IGSF6: variants seen among roughly 807,000 people sequenced by gnomAD.
IGSF6 encodes immunoglobulin superfamily member 6, also known as down-regulated by activation (immunoglobulin superfamily).
Under a neutral mutation model 24.7 loss-of-function variants are expected in IGSF6, and 23 were observed. The observed-to-expected ratio is 0.93, with a 90% CI of 0.67 to 1.32. The LOEUF (loss-of-function observed/expected upper bound fraction) is 1.32. IGSF6 is among the 40% of genes most tolerant of loss of function. The pLI, the probability that IGSF6 is intolerant of heterozygous loss-of-function variation, is 0.00. For synonymous variants in IGSF6, 110 were observed against 113.7 expected, an observed-to-expected ratio of 0.97 and a Z score of 0.21; for missense variants, 295 against 293.6, an observed-to-expected ratio of 1.00 and a Z score of -0.04.
chr16:21,644,564 T>G (rs1239804363), intron 2 of IGSF6, among the ~76,000 whole-genome samples, 168 bp from the exon 3 acceptor site: 5 of 152,214 alleles, frequency 3.3e-5, no homozygotes, highest in African/African-American at 1.2e-4. Context: ...ATGTAATAGT[T>G]AAAGCCAGTT....
intron 2 of IGSF6, 37 bp from the exon 3 acceptor site, chr16:21,644,433 T>A: frequency 2.1e-6 from 3 of 1,409,384 alleles, no homozygotes; most frequent in Non-Finnish European, 3.0e-6. Context: ...CATTGACTAT[T>A]AAAGCCTATT....
Position 21,640,977 on chromosome 16 carries a change from A to G in IGSF6, c.*557T>C, listed in dbSNP as rs1465451868. On this transcript the variant is annotated 3_prime_UTR_variant, in exon 6 of 6. Transcript: ENST00000268389. ...CTTTTATGGTCTTACTCTAGCCACTATATTATTCTCATTTTGCTGATAGCA... is the reference window on the plus strand; with the variant it reads ...CTTTTATGGTCTTACTCTAGCCACTGTATTATTCTCATTTTGCTGATAGCA... 2 of 152,120 alleles carry G rather than the reference A, an allele frequency of 1.3e-5. No individual in the cohort carries two copies. The highest frequency in any genetic ancestry group is 2.9e-5 in the Non-Finnish European group (2 of 68,084). 9.4% of individuals were successfully genotyped at this position (152,120 alleles called of 1,614,324 possible).
chr16:21,648,361 G>A (rs910157356), intron 1 of IGSF6, among the ~76,000 whole-genome samples: 4 of 152,180 alleles, frequency 2.6e-5, no homozygotes, highest in African/African-American at 9.7e-5. Flanking sequence ...CATGCAGTTA[G>A]TGTGACGTTC....
intron 2 of IGSF6, among the ~76,000 whole-genome samples, chr16:21,644,623 CATTAAAAAA>C (rs1966375819): frequency 6.6e-6 from 1 of 152,134 alleles, no homozygotes; most frequent in African/African-American, 2.4e-5. Context: ...CGTTTTTAAA[CATTAAAAAA>C]ATTCAACCAA....
rs1966241092 is a variant in IGSF6, at chr16:21,640,781, AAG to A, written c.*751_*752del. ...GACTCTGTCTCAAAAAAAAAAAAAAAAGAAAAGAAAAAAAATCAGTATTACAA... is the reference window on the plus strand; with the variant it reads ...GACTCTGTCTCAAAAAAAAAAAAAAAAAAAGAAAAAAAATCAGTATTACAA... On this transcript the variant is annotated 3_prime_UTR_variant, in exon 6 of 6. Coordinates refer to ENST00000268389, the MANE Select transcript of IGSF6 (RefSeq NM_005849.4). 6.6e-6 allele frequency: 1 copy of A among 150,592 alleles called. No homozygotes were observed. Among genetic ancestry groups the A allele is most frequent in the African/African-American group, 2.4e-5 (1 of 40,990 alleles). The allele number at this position is 150,592 out of a possible 1,614,324, so 9.3% of individuals were successfully genotyped here.
At chr16:21,645,981 T>A (rs980400669) in intron 2 of IGSF6, among the ~76,000 whole-genome samples, 2 of 152,206 alleles carry the variant, frequency 1.3e-5, no homozygotes, top group Non-Finnish European at 2.9e-5. Context: ...TGGTCTCCCT[T>A]CCTCAGAGTC....
chr16:21,641,024 C>A lies in IGSF6; in HGVS notation c.*510G>T. On this transcript the variant is annotated 3_prime_UTR_variant, in exon 6 of 6. Coordinates refer to ENST00000268389, the MANE Select transcript of IGSF6 (RefSeq NM_005849.4). ...AGCATGATGTAAGTTACTTTGCATA[C>A]CCTGGCAGGCAAATGTGCGTTACCC... 1 of 152,390 alleles carries A rather than the reference C, an allele frequency of 6.6e-6. No homozygotes were observed. Among genetic ancestry groups the A allele is most frequent in the Non-Finnish European group, 1.5e-5 (1 of 68,156 alleles). The allele number at this position is 152,390 out of a possible 1,614,324, so 9.4% of individuals were successfully genotyped here.
intron 1 of IGSF6, among the ~76,000 whole-genome samples, chr16:21,650,508 C>CAAA (rs3046229): frequency 0.013 from 1,164 of 89,816 alleles, 33 homozygotes; most frequent in East Asian, 0.11. Flanking sequence ...ACTCTTGTCT[C>CAAA]AAAAAAAAAA....
chr16:21,648,961 G>A (rs1411244638), intron 1 of IGSF6, among the ~76,000 whole-genome samples: 1 of 152,114 alleles, frequency 6.6e-6, no homozygotes, highest in Non-Finnish European at 1.5e-5. Context: ...TGTGATGCGA[G>A]TCTCTTCTCA....
In IGSF6 at chr16:21,640,793, A is replaced by G. The variant is rs1014317931; in HGVS notation, c.*741T>C. The G allele has an allele frequency of 2.6e-5, 4 of 151,406 alleles. No homozygotes were observed. The highest frequency in any genetic ancestry group is 6.6e-5 in the Admixed American group (1 of 15,230). 9.4% of individuals were successfully genotyped at this position (151,406 alleles called of 1,614,324 possible). On this transcript the variant is annotated 3_prime_UTR_variant, in exon 6 of 6. Coordinates refer to ENST00000268389, the MANE Select transcript of IGSF6 (RefSeq NM_005849.4). ...AAAAAAAAAAAAAAAGAAAAGAAAA[A>G]AAATCAGTATTACAAACGTGCTTGT...
chr16:21,652,470 A>AT, intron 1 of IGSF6, 62 bp downstream of exon 1: 7 of 1,282,456 alleles, frequency 5.5e-6, no homozygotes, highest in Non-Finnish European at 7.9e-6. Context: ...ATATAAATGC[A>AT]TTAGGTGAAA....
At chr16:21,643,177 A>G (rs1241601733) in intron 4 of IGSF6, 23 bp from the exon 5 acceptor site, 3 of 1,561,356 alleles carry the variant, frequency 1.9e-6, no homozygotes, top group African/African-American at 2.7e-5. Context: ...ATGAGAAAAA[A>G]AAATTCTCTT....
rs1173908688 is a variant in IGSF6, at chr16:21,647,201, A to T, written c.359T>A (p.Ile120Lys). The change falls in exon 2 of 6, where the codon ATA (isoleucine) becomes AAA (lysine). Residue 120 changes from isoleucine to lysine, a missense_variant. By Grantham distance (102) the Ile-to-Lys change is moderately radical. Transcript: ENST00000268389. The part of the protein sequence containing the change: ...SNDSAIYICG[I>K]AFPSVPEARA... ...CGCTTCCGGCACACTGGGGAATGCTATTCCACAGATGTAAATTGCACTGTC... is the reference window on the plus strand; with the variant it reads ...CGCTTCCGGCACACTGGGGAATGCTTTTCCACAGATGTAAATTGCACTGTC... The T allele has an allele frequency of 2.5e-6, 4 of 1,614,092 alleles. No homozygotes were observed. The African/African-American group carries it at 4.0e-5, about 16-fold the overall frequency.
At chr16:21,644,421 C>T (rs747895996) in intron 2 of IGSF6, 25 bp from the exon 3 acceptor site, 18 of 1,480,754 alleles carry the variant, frequency 1.2e-5, no homozygotes, top group Non-Finnish European at 1.6e-5. Context: ...CAGAAAGAAG[C>T]ACATTGACTA....
Position 21,649,272 on chromosome 16 carries a change from T to C in IGSF6, c.68-1780A>G, listed in dbSNP as rs529370380. ...CCTTCCAAAGTGCTGGGATTACAGG[T>C]GTGAGCCACTGCGCCTTGCTCTCTT... On this transcript the variant is annotated intron_variant, in intron 1 of 5. Coordinates refer to ENST00000268389, the MANE Select transcript of IGSF6 (RefSeq NM_005849.4). Among the ~76,000 whole-genome samples, 5 of 152,222 alleles carry C rather than the reference T, an allele frequency of 3.3e-5. No homozygotes were observed. In the South Asian group the frequency reaches 1.0e-3, roughly 32 times the overall value.
intron 3 of IGSF6, 23 bp from the exon 4 acceptor site, chr16:21,643,621 C>T: frequency 6.4e-7 from 1 of 1,555,446 alleles, no homozygotes; most frequent in Non-Finnish European, 8.8e-7. Flanking sequence ...GAAGGAAAGT[C>T]TATGAAACAT....
chr16:21,642,046 G>C (rs1431806967), intron 5 of IGSF6: 1 of 152,428 alleles, frequency 6.6e-6, no homozygotes, highest in African/African-American at 2.4e-5. Flanking sequence ...GTGAAAGTTA[G>C]ATTTTTAGCG....
chr16:21,644,277 G>C lies in IGSF6; in HGVS notation c.534+13C>G. ...GGATATAGGGACATTCCATGCAAGA[G>C]GATTTGACTTACTTTGGAGAGGAGT... On this transcript the variant is annotated intron_variant, in intron 3 of 5. Coordinates refer to ENST00000268389, the MANE Select transcript of IGSF6 (RefSeq NM_005849.4). 6.5e-7 allele frequency: 1 copy of C among 1,547,458 alleles called. No individual in the cohort carries two copies. The highest frequency in any genetic ancestry group is 8.9e-7 in the Non-Finnish European group (1 of 1,119,272).
chr16:21,649,181 C>T (rs1465247185), intron 1 of IGSF6, among the ~76,000 whole-genome samples: 10 of 152,076 alleles, frequency 6.6e-5, no homozygotes, highest in Non-Finnish European at 1.2e-4. Context: ...TTTGTAGAGA[C>T]AGGGTTTCAC....
Sources: gnomAD v4.1 joint callset for allele counts (sites outside exome capture counted in the v4.1 genomes callset) on GRCh38, gnomAD v4.1.1 for gene constraint, MANE v1.5 for transcripts, NCBI Gene and HGNC (gene_info 2026-07-23, HGNC 2026-07-21) for gene names.